The following ANKRD17 variants were observed in gnomAD, a reference collection of about 807,000 sequenced individuals.
ANKRD17 encodes the protein ankyrin repeat domain 17.
ANKRD17 carries 19 observed loss-of-function variants against 229.7 expected under a neutral mutation model. The observed-to-expected ratio is 0.08, with a 90% CI of 0.06 to 0.12. ANKRD17 has a LOEUF of 0.12. Among genes scored for constraint, ANKRD17 ranks in the 10% least tolerant of loss-of-function variants. The pLI is 1.00. For missense variants in ANKRD17, 2,176 were observed against 3,176.8 expected (o/e 0.68, Z 7.57); for synonymous variants, 1,112 against 1,146.1 (o/e 0.97, Z 0.60).
At position 73,077,540 on chromosome 4, in the gene ANKRD17, G is replaced by A. The variant is rs1402137693; in HGVS notation, c.7409-7C>T. The A allele has an allele frequency of 1.3e-6, 2 of 1,544,862 alleles. No homozygotes were observed. Among genetic ancestry groups the A allele is most frequent in the Admixed American group, 2.2e-5 (1 of 46,250 alleles). ...TTACACCAGTCTACTTTGTCTGAGGGCAAACAAAGAGGCAAAACAAAAATA... is the reference window on the plus strand; with the variant it reads ...TTACACCAGTCTACTTTGTCTGAGGACAAACAAAGAGGCAAAACAAAAATA... On this transcript the variant is annotated splice_polypyrimidine_tract_variant and splice_region_variant and intron_variant, in intron 31 of 33. Transcript: ENST00000358602.
Position 73,176,206 on chromosome 4 carries a change from C to A in ANKRD17, c.547+1174G>T, listed in dbSNP as rs141915412. ...GGCAAATACACATATGAAAAGGTAT[C>A]AACATCACTGATCATCAGAAAAACG... On this transcript the variant is annotated intron_variant, in intron 2 of 33. Coordinates refer to ENST00000358602, the MANE Select transcript of ANKRD17 (RefSeq NM_032217.5). Among the ~76,000 whole-genome samples, 891 of 152,138 alleles carry A rather than the reference C, an allele frequency of 5.9e-3. 10 individuals are homozygous for A. The highest frequency in any genetic ancestry group is 9.9e-3 in the Non-Finnish European group (670 of 67,972).
chr4:73,182,057 A>C (rs1735644602), intron 1 of ANKRD17, among the ~76,000 whole-genome samples: 1 of 64,736 alleles, frequency 1.5e-5, no homozygotes, highest in Non-Finnish European at 3.5e-5. Context: ...CCACCAAAAA[A>C]AAAAAAAAAA....
In ANKRD17 at chr4:73,090,596, A is replaced by G. The variant is rs1303403887; in HGVS notation, c.6961+71T>C. The G allele has an allele frequency of 4.4e-6, 7 of 1,580,956 alleles. No individual in the cohort carries two copies. In the East Asian group the frequency reaches 1.6e-4, roughly 35 times the overall value. ...ATCGTCCAGAGAATAAAAATATTAG[A>G]AAATGACCAAGAATTTTCACATCAC... On this transcript the variant is annotated intron_variant, in intron 29 of 33. Coordinates refer to ENST00000358602, the MANE Select transcript of ANKRD17 (RefSeq NM_032217.5).
intron 1 of ANKRD17, among the ~76,000 whole-genome samples, chr4:73,188,660 A>G (rs1401443004): frequency 6.6e-6 from 1 of 152,182 alleles, no homozygotes; most frequent in Non-Finnish European, 1.5e-5. Flanking sequence ...TTTAAAATAA[A>G]TAAATGAAAA....
chr4:73,120,305 A>G lies in ANKRD17; in HGVS notation c.3882T>C (p.Ser1294=). The change falls in exon 21 of 34, where the codon TCT becomes TCC. Residue 1294 remains serine, a synonymous_variant. Coordinates refer to ENST00000358602, the MANE Select transcript of ANKRD17 (RefSeq NM_032217.5). ...CTCGGCCCACCTCCGCATATCCACC[A>G]GAGGCAGCTTCCATTAGTGGTGTGA... is the stretch of plus-strand genomic sequence containing the variant. ...TGLTPLMEAA[S]GGYAEVGRVL... 1 of 1,614,132 alleles carries G rather than the reference A, an allele frequency of 6.2e-7. No homozygotes were observed. The highest frequency in any genetic ancestry group is 8.5e-7 in the Non-Finnish European group (1 of 1,180,000).
chr4:73,237,620 G>T (rs554502400), intron 1 of ANKRD17, among the ~76,000 whole-genome samples: 1 of 152,130 alleles, frequency 6.6e-6, no homozygotes, highest in Non-Finnish European at 1.5e-5. Flanking sequence ...AAGGTCCTGA[G>T]ATTTAGAAAA....
intron 5 of ANKRD17, among the ~76,000 whole-genome samples, chr4:73,155,278 A>G (rs1731518460): frequency 6.6e-6 from 1 of 152,106 alleles, no homozygotes; most frequent in African/African-American, 2.4e-5. Context: ...TTTGTTCCAC[A>G]ATTGTTTGGT....
At chr4:73,107,124 T>C (rs966308453) in intron 24 of ANKRD17, among the ~76,000 whole-genome samples, 8 of 152,144 alleles carry the variant, frequency 5.3e-5, no homozygotes, top group Non-Finnish European at 8.8e-5. Flanking sequence ...ATAATCATGA[T>C]GACAGTGCTG....
chr4:73,227,465 T>C (rs1054290355), intron 1 of ANKRD17, among the ~76,000 whole-genome samples: 9 of 152,158 alleles, frequency 5.9e-5, no homozygotes, highest in African/African-American at 2.2e-4. Context: ...AACCTAATTT[T>C]ATAGGCAAGA....
At chr4:73,137,397 G>A (rs1423266902) in intron 15 of ANKRD17, among the ~76,000 whole-genome samples, 1 of 152,128 alleles carries the variant, frequency 6.6e-6, no homozygotes, top group Non-Finnish European at 1.5e-5. Flanking sequence ...AAATTTTATG[G>A]TAGAAGTCTA....
rs894452541 is a variant in ANKRD17, at chr4:73,179,438, GTA to G, written c.394-1907_394-1906del. ...TATGTGTGTGCATATATGTGTGTGT[GTA>G]TATATATCTGTGTATATATGTATAT... On this transcript the variant is annotated intron_variant, in intron 1 of 33. Coordinates refer to ENST00000358602, the MANE Select transcript of ANKRD17 (RefSeq NM_032217.5). Among the ~76,000 whole-genome samples, 5 of 136,558 alleles carry G rather than the reference GTA, an allele frequency of 3.7e-5. No individual in the cohort carries two copies. In the East Asian group the frequency reaches 6.3e-4, roughly 17 times the overall value. 89.6% of individuals were successfully genotyped at this position (136,558 alleles called of 152,430 possible).
intron 1 of ANKRD17, among the ~76,000 whole-genome samples, chr4:73,212,154 C>T (rs868835148): frequency 6.6e-6 from 1 of 151,964 alleles, no homozygotes; most frequent in Non-Finnish European, 1.5e-5. Flanking sequence ...AAGAGGGTGG[C>T]GATTCTTTCA....
chr4:73,077,447 C>T lies in ANKRD17; in HGVS notation c.7495G>A (p.Ala2499Thr), dbSNP rs1436339390. The T allele has an allele frequency of 6.2e-7, 1 of 1,613,692 alleles. No individual in the cohort carries two copies. Among genetic ancestry groups the T allele is most frequent in the African/African-American group, 1.3e-5 (1 of 74,898 alleles). Reference protein sequence around the residue: ...SDPGVFSQHQAMERDSTGIVT... With the variant: ...SDPGVFSQHQTMERDSTGIVT... ...ATTCCTGTACTATCTCGCTCCATTG[C>T]TTGATGTTGTGAAAATACTCCTGGG... Residue 2499 changes from alanine to threonine, a missense_variant, in exon 32 of 34, where the codon GCA becomes ACA. Transcript: ENST00000358602.
At chr4:73,154,779 C>T (rs1034879438) in intron 5 of ANKRD17, among the ~76,000 whole-genome samples, 6 of 152,116 alleles carry the variant, frequency 3.9e-5, no homozygotes, top group Admixed American at 1.3e-4. Flanking sequence ...CGGTGGCTCA[C>T]GCCTGTAATC....
At chr4:73,202,407 A>G (rs1050332324) in intron 1 of ANKRD17, among the ~76,000 whole-genome samples, 1 of 149,444 alleles carries the variant, frequency 6.7e-6, no homozygotes, top group Non-Finnish European at 1.5e-5. Context: ...AGAGAAATTA[A>G]TGCAGCTAAA....
Position 73,098,194 on chromosome 4 carries a change from T to C in ANKRD17, c.4900A>G (p.Lys1634Glu). Residue 1634 changes from lysine (K) to glutamate (E), a missense_variant, in exon 26 of 34, where the codon AAG (lysine) becomes GAG (glutamate). Transcript: ENST00000358602. ...ACAGCTGGTGAATGATTGTCACTCT[T>C]ACGACTGCTGTTGCTGTTACTACTT... ...DESSNSNSSR[K>E]SDNHSPAVVT... 1 of 1,614,268 alleles carries C rather than the reference T, an allele frequency of 6.2e-7. No homozygotes were observed. The highest frequency in any genetic ancestry group is 8.5e-7 in the Non-Finnish European group (1 of 1,180,048).
chr4:73,181,681 A>G (rs1422596024), intron 1 of ANKRD17, among the ~76,000 whole-genome samples: 1 of 152,180 alleles, frequency 6.6e-6, no homozygotes, highest in East Asian at 1.9e-4. Context: ...TTCTACAGAA[A>G]AAAAATCATT....
intron 2 of ANKRD17, among the ~76,000 whole-genome samples, chr4:73,164,759 T>G (rs1733007475): frequency 6.7e-6 from 1 of 150,066 alleles, no homozygotes; most frequent in African/African-American, 2.5e-5. Context: ...GCCACTGCAC[T>G]CCAGGCTGGG....
At chr4:73,246,704 C>A (rs1017154207) in intron 1 of ANKRD17, among the ~76,000 whole-genome samples, 2 of 151,850 alleles carry the variant, frequency 1.3e-5, no homozygotes, top group Non-Finnish European at 2.9e-5. Flanking sequence ...GTTTGCTGTG[C>A]GGGGTAAAAG....
Sources: allele counts gnomAD v4.1 joint callset (sites outside exome capture counted in the v4.1 genomes callset), GRCh38; gene constraint gnomAD v4.1.1; transcripts MANE v1.5; gene names NCBI Gene and HGNC (gene_info 2026-07-23, HGNC 2026-07-21).